The following PHF20 variants were observed in gnomAD, a reference collection of about 807,000 sequenced individuals.
The protein encoded by PHF20 is glioma-expressed antigen 2.
In PHF20, 23 loss-of-function variants were observed where a neutral mutation model predicts 113.5. That is an observed-to-expected ratio of 0.20 (90% CI 0.15 to 0.29). The LOEUF is 0.29. PHF20 is among the 10% of genes least tolerant of loss of function. The pLI, the probability that PHF20 is intolerant of heterozygous loss-of-function variation, is 1.00. For missense variants in PHF20, 943 were observed against 1,219.6 expected (o/e 0.77, Z 3.38); for synonymous variants, 434 against 457.3 (o/e 0.95, Z 0.65).
chr20:35,811,521 C>T (rs1443380092), intron 2 of PHF20, among the ~76,000 whole-genome samples: 1 of 151,572 alleles, frequency 6.6e-6, no homozygotes, highest in Non-Finnish European at 1.5e-5. Context: ...CGGCTCACTG[C>T]AACCTCTGCC....
At chr20:35,823,436 CA>C (rs200101311) in intron 2 of PHF20, among the ~76,000 whole-genome samples, 3,718 of 66,036 alleles carry the variant, frequency 0.056, 110 homozygotes, top group African/African-American at 0.14. Flanking sequence ...CTTCGTCTCT[CA>C]AAAAAAAAAA....
chr20:35,858,913 A>G (rs549355051), intron 5 of PHF20, among the ~76,000 whole-genome samples: 4 of 152,194 alleles, frequency 2.6e-5, no homozygotes, highest in South Asian at 2.1e-4. Flanking sequence ...AAAAGTGCCA[A>G]ATGCTTGGAT....
chr20:35,794,099 G>C (rs1236231255), intron 1 of PHF20, among the ~76,000 whole-genome samples: 1 of 150,870 alleles, frequency 6.6e-6, no homozygotes, highest in Non-Finnish European at 1.5e-5. Context: ...TCAGGAGTTC[G>C]AGACCAGCCT....
At chr20:35,924,253 G>C (rs1175378963) in intron 13 of PHF20, among the ~76,000 whole-genome samples, 1 of 147,364 alleles carries the variant, frequency 6.8e-6, no homozygotes. Context: ...GTAGTGCAAT[G>C]GTGTGATCTC....
intron 2 of PHF20, among the ~76,000 whole-genome samples, chr20:35,807,053 C>T (rs547879409): frequency 6.6e-6 from 1 of 152,118 alleles, no homozygotes; most frequent in South Asian, 2.1e-4. Context: ...CCTTGGCCTC[C>T]CAAAGTGCTG....
intron 3 of PHF20, among the ~76,000 whole-genome samples, chr20:35,843,336 G>A (rs542459028): frequency 1.3e-3 from 195 of 151,154 alleles, no homozygotes; most frequent in African/African-American, 4.3e-3. Flanking sequence ...TGGCCAACAT[G>A]GTGAAACCCC....
intron 2 of PHF20, among the ~76,000 whole-genome samples, chr20:35,828,116 T>C (rs142194472): frequency 0.05 from 7,628 of 152,052 alleles, 237 homozygotes; most frequent in African/African-American, 0.097. Context: ...CTCCGCCTCC[T>C]GGGTTCAAGC....
At chr20:35,786,735 A>G (rs1439076222) in intron 1 of PHF20, among the ~76,000 whole-genome samples, 2 of 152,180 alleles carry the variant, frequency 1.3e-5, no homozygotes, top group African/African-American at 4.8e-5. Context: ...TATATCACTC[A>G]GAGAGTGTAG....
chr20:35,866,958 CT>C (rs1417529780), intron 6 of PHF20, among the ~76,000 whole-genome samples: 2 of 152,190 alleles, frequency 1.3e-5, no homozygotes, highest in Admixed American at 6.5e-5. Context: ...TGCCTCAGTT[CT>C]TTTCCAGTCA....
chr20:35,796,346 G>A (rs533573291), intron 1 of PHF20, among the ~76,000 whole-genome samples: 1 of 152,132 alleles, frequency 6.6e-6, no homozygotes, highest in African/African-American at 2.4e-5. Flanking sequence ...GTTTTTTAAT[G>A]GATGAACTAC....
At chr20:35,835,120 T>C (rs1251802611) in intron 2 of PHF20, among the ~76,000 whole-genome samples, 1 of 151,716 alleles carries the variant, frequency 6.6e-6, no homozygotes, top group Non-Finnish European at 1.5e-5. Context: ...ATTAAAAATA[T>C]AAAAATTAGC....
intron 2 of PHF20, among the ~76,000 whole-genome samples, chr20:35,809,234 C>T (rs754193882): frequency 1.8e-4 from 27 of 150,674 alleles, no homozygotes; most frequent in Non-Finnish European, 3.8e-4. Flanking sequence ...GGCGACAGAG[C>T]AAAGCTCTGT....
At chr20:35,799,917 G>A (rs901383684) in intron 1 of PHF20, among the ~76,000 whole-genome samples, 1 of 152,088 alleles carries the variant, frequency 6.6e-6, no homozygotes, top group African/African-American at 2.4e-5. Flanking sequence ...CGCCTGCCTC[G>A]GCTTCCCAAA....
intron 10 of PHF20, among the ~76,000 whole-genome samples, chr20:35,904,721 C>G (rs2055166954): frequency 6.7e-6 from 1 of 149,836 alleles, no homozygotes. Context: ...TGCCACTGTT[C>G]CCTTTGTGAT....
intron 17 of PHF20, among the ~76,000 whole-genome samples, chr20:35,942,545 C>G (rs989180602): frequency 6.6e-6 from 1 of 152,162 alleles, no homozygotes; most frequent in Non-Finnish European, 1.5e-5. Context: ...GCCTCTCTAG[C>G]CCTGCCGAAT....
chr20:35,832,856 T>C (rs573520498), intron 2 of PHF20, among the ~76,000 whole-genome samples: 2 of 152,196 alleles, frequency 1.3e-5, no homozygotes, highest in East Asian at 1.9e-4. Flanking sequence ...GAGACCAGCC[T>C]GGCCAACATA....
At chr20:35,893,799 A>G (rs907462448) in intron 9 of PHF20, among the ~76,000 whole-genome samples, 4 of 151,944 alleles carry the variant, frequency 2.6e-5, no homozygotes, top group Non-Finnish European at 5.9e-5. Context: ...TATTTTTAGT[A>G]GAGATGGGGT....
intron 1 of PHF20, among the ~76,000 whole-genome samples, chr20:35,798,610 A>G (rs2041715684): frequency 6.6e-6 from 1 of 150,984 alleles, no homozygotes; most frequent in Admixed American, 6.6e-5. Context: ...ATGTGCCACC[A>G]TGCCTGGCTA....
chr20:35,836,615 C>T lies in PHF20; in HGVS notation c.84-5958C>T, dbSNP rs1430711176. Among the ~76,000 whole-genome samples the T allele has an allele frequency of 3.9e-5, 6 of 152,082 alleles. 1 individual carries two copies. Among genetic ancestry groups the T allele is most frequent in the East Asian group, 1.9e-4 (1 of 5,180 alleles). On this transcript the variant is annotated intron_variant, in intron 2 of 17. Transcript: ENST00000374012. ...ATCGCAGCACTTTGGGAGGCCGAGG[C>T]GGGCGGATCACGAGGTCAGGAGATC...
Sources: allele counts gnomAD v4.1 joint callset (sites outside exome capture counted in the v4.1 genomes callset), GRCh38; gene constraint gnomAD v4.1.1; transcripts MANE v1.5; gene names NCBI Gene and HGNC (gene_info 2026-07-23, HGNC 2026-07-21).